The following UBE2D1 variants were observed in gnomAD, a reference collection of about 807,000 sequenced individuals.
UBE2D1 encodes ubiquitin-conjugating enzyme E2 D1.
Under a neutral mutation model 24.6 loss-of-function variants are expected in UBE2D1, and 9 were observed. The ratio of observed to expected loss-of-function variants is 0.37; its 90% CI spans 0.22 to 0.64. The LOEUF (loss-of-function observed/expected upper bound fraction) is 0.64. Ranked by LOEUF, UBE2D1 falls within the 30% of genes least tolerant of loss-of-function variation. The probability of loss-of-function intolerance (pLI) is 0.64; values close to 1 mark genes in which losing one functional copy is unlikely to be tolerated. For missense variants in UBE2D1, 87 were observed against 177.1 expected (o/e 0.49, Z 2.89); for synonymous variants, 57 against 57.6 (o/e 0.99, Z 0.04).
intron 1 of UBE2D1, among the ~76,000 whole-genome samples, chr10:58,355,818 C>G (rs1012974630): frequency 6.6e-6 from 1 of 152,124 alleles, no homozygotes; most frequent in Non-Finnish European, 1.5e-5. Flanking sequence ...ACCTTGGTAT[C>G]ACGCTATTAA....
intron 1 of UBE2D1, among the ~76,000 whole-genome samples, chr10:58,341,758 A>G (rs1839964212): frequency 6.6e-6 from 1 of 152,224 alleles, no homozygotes; most frequent in Admixed American, 6.5e-5. Context: ...TGCTACTAAT[A>G]GAAATGATAA....
rs1415238076 is a variant in UBE2D1, at chr10:58,370,665, A to AC, written c.*1900_*1901insC. On this transcript the variant is annotated 3_prime_UTR_variant, in exon 7 of 7. Coordinates refer to ENST00000373910, the MANE Select transcript of UBE2D1 (RefSeq NM_003338.5). Reference sequence around the variant, plus strand: ...TTCTTGAATATCTTCACTTTAAACAAAAAAAAAAAACAACTTTCATTTGTG... The same window carrying AC: ...TTCTTGAATATCTTCACTTTAAACAACAAAAAAAAAACAACTTTCATTTGTG... 1 of 43,448 alleles carries AC rather than the reference A, an allele frequency of 2.3e-5. No homozygotes were observed. The highest frequency in any genetic ancestry group is 1.1e-4 in the African/African-American group (1 of 9,484). The allele number at this position is 43,448 out of a possible 1,614,324, so 2.7% of individuals were successfully genotyped here. A position where few individuals can be genotyped will look rare whatever the true frequency, so the allele number is the denominator to read the frequency against.
At chr10:58,342,394 T>A (rs1239910451) in intron 1 of UBE2D1, among the ~76,000 whole-genome samples, 1 of 152,140 alleles carries the variant, frequency 6.6e-6, no homozygotes, top group East Asian at 1.9e-4. Context: ...GCTGAGGAGT[T>A]GGTTCCTTCA....
At chr10:58,362,535 C>T (rs1275831137) in intron 3 of UBE2D1, among the ~76,000 whole-genome samples, 1 of 151,854 alleles carries the variant, frequency 6.6e-6, no homozygotes, top group Non-Finnish European at 1.5e-5. Flanking sequence ...ATTTAAAGGC[C>T]CACCCTTACC....
intron 4 of UBE2D1, 185 bp from the exon 5 acceptor site, chr10:58,364,586 A>G: frequency 1.9e-6 from 1 of 517,038 alleles, no homozygotes; most frequent in Non-Finnish European, 3.4e-6. Flanking sequence ...GTTTGTGTTC[A>G]CATTCTCACT....
At chr10:58,361,676 A>AT (rs1840200320) in intron 3 of UBE2D1, 150 bp downstream of exon 3, 4 of 1,109,102 alleles carry the variant, frequency 3.6e-6, no homozygotes, top group African/African-American at 3.1e-5. Flanking sequence ...ATTTACAATG[A>AT]TTTTCCAAAG....
At chr10:58,364,299 C>G (rs1488304516) in intron 4 of UBE2D1, among the ~76,000 whole-genome samples, 1 of 152,144 alleles carries the variant, frequency 6.6e-6, no homozygotes, top group East Asian at 1.9e-4. Flanking sequence ...GGTATGACAA[C>G]TCTTGTGGAA....
At position 58,344,967 on chromosome 10, in the gene UBE2D1, G is replaced by A. The variant is rs1840000426; in HGVS notation, c.24+9742G>A. On this transcript the variant is annotated intron_variant, in intron 1 of 6. Transcript: ENST00000373910. ...GCAACCTCCACCTCCTGCGTTTAGG[G>A]GATTCTCATGTCTCAGCCCCCTGAG... Among the ~76,000 whole-genome samples, 3 of 151,506 alleles carry A rather than the reference G, an allele frequency of 2.0e-5. No homozygotes were observed. The South Asian group carries it at 6.3e-4, about 32-fold the overall frequency.
intron 1 of UBE2D1, chr10:58,361,022 A>C: frequency 2.1e-6 from 1 of 476,396 alleles, no homozygotes; most frequent in South Asian, 1.9e-5. Context: ...TTTCTGATAT[A>C]TTATCAACCT....
At chr10:58,335,276 C>T (rs1839889692) in intron 1 of UBE2D1, 51 bp downstream of exon 1, 1 of 1,485,396 alleles carries the variant, frequency 6.7e-7, no homozygotes, top group South Asian at 1.3e-5. Context: ...CCCCTGCCCA[C>T]GCTGACTCGG....
In UBE2D1 at chr10:58,350,079, T is replaced by G. The variant is rs188168499; in HGVS notation, c.25-11259T>G. Among the ~76,000 whole-genome samples the G allele has an allele frequency of 2.8e-3, 428 of 152,308 alleles. 10 individuals are homozygous for G. The highest frequency in any genetic ancestry group is 0.026 in the Admixed American group (398 of 15,300). On this transcript the variant is annotated intron_variant, in intron 1 of 6. Coordinates refer to ENST00000373910, the MANE Select transcript of UBE2D1 (RefSeq NM_003338.5). ...GGTTCGTTCTACTGTTGGTGGACAT[T>G]GAGTTGCTTCTGGTTTGGGGCTATT...
At chr10:58,355,796 A>G (rs1445085537) in intron 1 of UBE2D1, among the ~76,000 whole-genome samples, 1 of 152,190 alleles carries the variant, frequency 6.6e-6, no homozygotes. Flanking sequence ...GTGCAGTTAA[A>G]CAAGGAAAGC....
intron 1 of UBE2D1, among the ~76,000 whole-genome samples, chr10:58,348,241 T>G (rs913830413): frequency 6.6e-6 from 1 of 152,204 alleles, no homozygotes; most frequent in Non-Finnish European, 1.5e-5. Flanking sequence ...ATTCACAGGC[T>G]TAAAGAGGTT....
chr10:58,338,350 T>G (rs1023582394), intron 1 of UBE2D1, among the ~76,000 whole-genome samples: 5 of 152,238 alleles, frequency 3.3e-5, no homozygotes, highest in African/African-American at 4.8e-5. Context: ...TGCTCTGATT[T>G]AGTGTGCCAG....
At chr10:58,354,297 G>A (rs530155374) in intron 1 of UBE2D1, among the ~76,000 whole-genome samples, 6 of 152,208 alleles carry the variant, frequency 3.9e-5, no homozygotes, top group African/African-American at 1.4e-4. Flanking sequence ...ATTTGATCAT[G>A]GGAGATGAAA....
chr10:58,349,157 A>G (rs939692150), intron 1 of UBE2D1, among the ~76,000 whole-genome samples: 13 of 152,198 alleles, frequency 8.5e-5, no homozygotes, highest in African/African-American at 3.1e-4. Context: ...AAGTGCTTTT[A>G]TAGTTCTAGT....
At chr10:58,348,854 T>G (rs950203733) in intron 1 of UBE2D1, among the ~76,000 whole-genome samples, 1 of 152,184 alleles carries the variant, frequency 6.6e-6, no homozygotes, top group Non-Finnish European at 1.5e-5. Context: ...TACATTCCCT[T>G]CTTTGTTTCC....
intron 1 of UBE2D1, among the ~76,000 whole-genome samples, chr10:58,357,789 G>A (rs1186391276): frequency 6.6e-6 from 1 of 152,120 alleles, no homozygotes; most frequent in Non-Finnish European, 1.5e-5. Context: ...GGTTATGTAA[G>A]TCTCCTCCCC....
chr10:58,369,959 C>A lies in UBE2D1; in HGVS notation c.*1194C>A, dbSNP rs903205216. ...ACTAGATTAATTCATTAAAATGCCC[C>A]CACCCTGATGTAATTGACATTACAT... On this transcript the variant is annotated 3_prime_UTR_variant, in exon 7 of 7. Transcript: ENST00000373910. 5 of 151,848 alleles carry A rather than the reference C, an allele frequency of 3.3e-5. No individual in the cohort carries two copies. Among genetic ancestry groups the A allele is most frequent in the African/African-American group, 1.2e-4 (5 of 41,354 alleles). 9.4% of individuals were successfully genotyped at this position (151,848 alleles called of 1,614,324 possible).
Sources: gnomAD v4.1 joint callset for allele counts (sites outside exome capture counted in the v4.1 genomes callset) on GRCh38, gnomAD v4.1.1 for gene constraint, MANE v1.5 for transcripts, NCBI Gene and HGNC (gene_info 2026-07-23, HGNC 2026-07-21) for gene names.